The following PCDH9 variants were observed in gnomAD, a reference collection of about 807,000 sequenced individuals.
The protein encoded by PCDH9 is protocadherin-9.
PCDH9 carries 24 observed loss-of-function variants against 70.6 expected under a neutral mutation model. The ratio of observed to expected loss-of-function variants is 0.34; its 90% confidence interval spans 0.25 to 0.48. The LOEUF is 0.48. Among genes scored for constraint, PCDH9 ranks in the 20% least tolerant of loss-of-function variants. The pLI is 0.99. For synonymous variants in PCDH9, 562 were observed against 558.5 expected (o/e 1.01, Z -0.09); for missense variants, 1,281 against 1,503.6 (o/e 0.85, Z 2.45).
intron 2 of PCDH9, among the ~76,000 whole-genome samples, chr13:67,114,606 G>T (rs1307749847): frequency 1.3e-5 from 2 of 152,058 alleles, no homozygotes; most frequent in South Asian, 4.2e-4. Flanking sequence ...TACTCTATAA[G>T]GCAAAGTACT....
chr13:66,419,939 C>G (rs992120410), intron 4 of PCDH9, among the ~76,000 whole-genome samples: 1 of 152,086 alleles, frequency 6.6e-6, no homozygotes, highest in Non-Finnish European at 1.5e-5. Context: ...ATTCTCGCTG[C>G]CAGCACAGCA....
At chr13:67,049,718 T>G (rs1295456370) in intron 2 of PCDH9, among the ~76,000 whole-genome samples, 1 of 152,214 alleles carries the variant, frequency 6.6e-6, no homozygotes, top group Non-Finnish European at 1.5e-5. Context: ...CTTGCCAGTC[T>G]AAGCAATAAC....
intron 3 of PCDH9, among the ~76,000 whole-genome samples, chr13:66,779,815 ATCTC>A (rs1225450927): frequency 1.3e-3 from 128 of 100,904 alleles, no homozygotes; most frequent in East Asian, 2.8e-3. Context: ...GCGAGACTCC[ATCTC>A]TCTCTCTCTC....
chr13:66,761,634 ATTGCAGTTTTCATTCCAAGTATTGTAT>A (rs1721525826), intron 3 of PCDH9, among the ~76,000 whole-genome samples: 1 of 152,074 alleles, frequency 6.6e-6, no homozygotes, highest in African/African-American at 2.4e-5. Context: ...GATAATATGT[ATTGCAGTTTTCATTCCAAGTATTGTAT>A]TTGCAGTTTT....
rs534453488 is a variant in PCDH9, at chr13:66,948,184, T to C, written c.3037-44579A>G. ...TGGAGAAATGGTCTGTTCATCATGT[T>C]CATTTGGAAATAGTAGCAGGTTATT... On this transcript the variant is annotated intron_variant, in intron 2 of 4. Coordinates refer to ENST00000377865, the MANE Select transcript of PCDH9 (RefSeq NM_203487.3). Among the ~76,000 whole-genome samples the C allele has an allele frequency of 2.5e-3, 377 of 152,258 alleles. 3 individuals carry two copies. The highest frequency in any genetic ancestry group is 8.8e-3 in the African/African-American group (366 of 41,564).
chr13:67,060,050 A>C (rs1258946324), intron 2 of PCDH9, among the ~76,000 whole-genome samples: 1 of 151,970 alleles, frequency 6.6e-6, no homozygotes, highest in Non-Finnish European at 1.5e-5. Context: ...TAAGAATTCT[A>C]GTTGTGCTAT....
intron 2 of PCDH9, among the ~76,000 whole-genome samples, chr13:66,988,704 T>C (rs2083941784): frequency 6.6e-6 from 1 of 151,984 alleles, no homozygotes; most frequent in Admixed American, 6.6e-5. Context: ...TTTCAGAGTT[T>C]GATTCAATAG....
chr13:66,671,717 C>T (rs564237153), intron 3 of PCDH9, among the ~76,000 whole-genome samples: 1 of 152,256 alleles, frequency 6.6e-6, no homozygotes, highest in South Asian at 2.1e-4. Context: ...GAATAAATTT[C>T]TAAGCAGTAA....
At chr13:66,455,551 T>C (rs1594009524) in intron 4 of PCDH9, among the ~76,000 whole-genome samples, 1 of 152,046 alleles carries the variant, frequency 6.6e-6, no homozygotes, top group Non-Finnish European at 1.5e-5. Flanking sequence ...TATGAAATAA[T>C]AAATGGATAA....
intron 4 of PCDH9, among the ~76,000 whole-genome samples, chr13:66,381,220 G>T (rs1177118354): frequency 6.6e-6 from 1 of 152,226 alleles, no homozygotes; most frequent in East Asian, 1.9e-4. Flanking sequence ...TTCCACAGGT[G>T]ACAAAATTAC....
intron 2 of PCDH9, among the ~76,000 whole-genome samples, chr13:66,926,169 T>A (rs1431789900): frequency 6.6e-6 from 1 of 151,992 alleles, no homozygotes; most frequent in Non-Finnish European, 1.5e-5. Context: ...AATGAAGATA[T>A]CACTTTTTTA....
At position 66,531,702 on chromosome 13, in the gene PCDH9, AC is replaced by A. The variant is rs764855901; in HGVS notation, c.3340+99507del. On this transcript the variant is annotated intron_variant, in intron 4 of 4. Transcript: ENST00000377865. ...AAAATGCAAGAGGGCTCCTGGACAAACAAGGGAAAAACATTTATTTTAAGCT... is the reference window on the plus strand; with the variant it reads ...AAAATGCAAGAGGGCTCCTGGACAAAAAGGGAAAAACATTTATTTTAAGCT... Among the ~76,000 whole-genome samples the A allele has an allele frequency of 7.9e-5, 12 of 152,150 alleles. No homozygotes were observed. In the East Asian group the frequency reaches 1.7e-3, roughly 22 times the overall value.
At chr13:66,759,783 T>C in intron 3 of PCDH9, among the ~76,000 whole-genome samples, 1 of 88,120 alleles carries the variant, frequency 1.1e-5, no homozygotes, top group East Asian at 5.4e-4. Context: ...ACTTTACATA[T>C]ATTTAAATTG....
At chr13:66,430,026 T>C (rs774911937) in intron 4 of PCDH9, among the ~76,000 whole-genome samples, 2 of 152,086 alleles carry the variant, frequency 1.3e-5, no homozygotes, top group Non-Finnish European at 2.9e-5. Flanking sequence ...TATAGATAGA[T>C]TCAAATCCAG....
At chr13:67,118,040 C>A (rs2086810838) in intron 2 of PCDH9, among the ~76,000 whole-genome samples, 1 of 152,094 alleles carries the variant, frequency 6.6e-6, no homozygotes, top group Non-Finnish European at 1.5e-5. Flanking sequence ...TTTGTCTGAA[C>A]TCAGTAAAAT....
chr13:66,961,475 A>T (rs2083344187), intron 2 of PCDH9, among the ~76,000 whole-genome samples: 1 of 152,196 alleles, frequency 6.6e-6, no homozygotes, highest in African/African-American at 2.4e-5. Flanking sequence ...CATTTTCAAA[A>T]TTTAAGAAAT....
chr13:66,708,240 G>A (rs1236484894), intron 3 of PCDH9, among the ~76,000 whole-genome samples: 2 of 151,084 alleles, frequency 1.3e-5, no homozygotes, highest in Admixed American at 1.3e-4. Context: ...TAGTAGAGAC[G>A]GGGTTTCACC....
chr13:67,105,124 G>T (rs1394553148), intron 2 of PCDH9, among the ~76,000 whole-genome samples: 1 of 151,880 alleles, frequency 6.6e-6, no homozygotes, highest in Non-Finnish European at 1.5e-5. Context: ...CATTTATTCA[G>T]TATTCTATGT....
chr13:66,573,738 TTTG>T (rs1334085352), intron 4 of PCDH9, among the ~76,000 whole-genome samples: 1 of 68,768 alleles, frequency 1.5e-5, no homozygotes, highest in South Asian at 5.1e-4. Flanking sequence ...GTTGGGTTTT[TTTG>T]TTTGTTTGTT....
Sources: allele counts gnomAD v4.1 joint callset (sites outside exome capture counted in the v4.1 genomes callset), GRCh38; gene constraint gnomAD v4.1.1; transcripts MANE v1.5; gene names NCBI Gene and HGNC (gene_info 2026-07-23, HGNC 2026-07-21).